The following MOV10L1 variants were observed in gnomAD, a reference collection of about 807,000 sequenced individuals.
MOV10L1 encodes Mov10 like RNA helicase 1.
MOV10L1 carries 110 observed loss-of-function variants against 143.8 expected under a neutral mutation model. The observed-to-expected ratio is 0.76, with a 90% CI of 0.66 to 0.90. The LOEUF (loss-of-function observed/expected upper bound fraction) is 0.90. Among genes scored for constraint, MOV10L1 ranks in the 40% least tolerant of loss-of-function variants. MOV10L1 has a pLI of 0.00. For synonymous variants in MOV10L1, 593 were observed against 581.1 expected, an observed-to-expected ratio of 1.02 and a Z score of -0.29; for missense variants, 1,406 against 1,526.8, an observed-to-expected ratio of 0.92 and a Z score of 1.32.
At chr22:50,092,775 A>G (rs6010168) in intron 2 of MOV10L1, 69,387 of 152,246 alleles carry the variant, frequency 0.46, 16,500 homozygotes, top group Non-Finnish European at 0.53. Flanking sequence ...TGCTTTTTCA[A>G]CAATTTAATG....
intron 1 of MOV10L1, 22 bp from the exon 2 acceptor site, chr22:50,091,979 C>T (rs1381600810): frequency 6.2e-7 from 1 of 1,605,582 alleles, no homozygotes; most frequent in Non-Finnish European, 8.5e-7. Flanking sequence ...GCCAAGATAA[C>T]TTCTTTGTTT....
intron 13 of MOV10L1, among the ~76,000 whole-genome samples, chr22:50,128,742 A>G (rs948040335): frequency 2.0e-5 from 3 of 151,312 alleles, no homozygotes; most frequent in African/African-American, 7.3e-5. Flanking sequence ...GCAGTGTTTC[A>G]CCATATTGGC....
At chr22:50,113,390 C>T (rs915726357) in intron 5 of MOV10L1, among the ~76,000 whole-genome samples, 3 of 152,188 alleles carry the variant, frequency 2.0e-5, no homozygotes, top group Non-Finnish European at 4.4e-5. Flanking sequence ...CTGGGGAGCA[C>T]GTTCAGGACA....
intron 24 of MOV10L1, among the ~76,000 whole-genome samples, chr22:50,160,481 C>CTGACCT (rs1389552855): frequency 6.6e-6 from 1 of 151,960 alleles, no homozygotes; most frequent in Non-Finnish European, 1.5e-5. Flanking sequence ...TCTCGATCTC[C>CTGACCT]TGACCTCGTG....
At chr22:50,157,452 T>G (rs749987009) in intron 22 of MOV10L1, among the ~76,000 whole-genome samples, 11 of 152,104 alleles carry the variant, frequency 7.2e-5, no homozygotes, top group Non-Finnish European at 1.6e-4. Context: ...CTCCAAGAAT[T>G]TTATGGATTT....
At chr22:50,095,565 C>T (rs992676432) in intron 2 of MOV10L1, 2 of 152,180 alleles carry the variant, frequency 1.3e-5, no homozygotes, top group Non-Finnish European at 1.5e-5. Flanking sequence ...GAGCTGTGGT[C>T]GTGTACTCAC....
chr22:50,106,766 A>G (rs997813257), intron 3 of MOV10L1, among the ~76,000 whole-genome samples: 3 of 148,612 alleles, frequency 2.0e-5, no homozygotes, highest in East Asian at 2.0e-4. Flanking sequence ...CAGTGGCTCA[A>G]TCTCGGCTCA....
chr22:50,115,631 A>G (rs964330359), intron 8 of MOV10L1, among the ~76,000 whole-genome samples: 3 of 152,206 alleles, frequency 2.0e-5, no homozygotes, highest in Non-Finnish European at 4.4e-5. Context: ...CTGGGTACCA[A>G]GTGTGACCCA....
rs5771158 is a variant in MOV10L1 at position 50,092,000 on chromosome 22, G to T, written c.98-1G>T. ...ATAACTTCTTTGTTTACCTACCTCA[G>T]GTGACACTAAGCTGAAAACTGTACG... is the stretch of plus-strand genomic sequence containing the variant. On this transcript the variant is annotated splice_acceptor_variant, in intron 1 of 26. Coordinates refer to ENST00000262794, the MANE Select transcript of MOV10L1 (RefSeq NM_018995.3). LOFTEE classifies it high-confidence loss of function. 1 of 1,612,602 alleles carries T rather than the reference G, an allele frequency of 6.2e-7. No homozygotes were observed. The highest frequency in any genetic ancestry group is 1.1e-5 in the South Asian group (1 of 90,786).
chr22:50,090,319 C>T, intron 1 of MOV10L1, 134 bp downstream of exon 1: 3 of 1,471,226 alleles, frequency 2.0e-6, no homozygotes, highest in Non-Finnish European at 2.7e-6. Context: ...CTCATCTCCG[C>T]TGGCGGGGAT....
At chr22:50,155,875 A>G (rs530906496) in intron 22 of MOV10L1, among the ~76,000 whole-genome samples, 1 of 152,152 alleles carries the variant, frequency 6.6e-6, no homozygotes, top group Admixed American at 6.5e-5. Context: ...ACATAGCAAG[A>G]CCCTGTCTCT....
In MOV10L1 at chr22:50,117,337, G is replaced by A; in HGVS notation, c.1440G>A (p.Val480=). ...CATCCGCAAAAACTACAGTTGTTGT[G>A]ACCGCACAGAAAAGGTACCATAACT... is the stretch of plus-strand genomic sequence containing the variant. ...ALTSAKTTVV[V]TAQKRNSRRQ... Residue 480 remains valine (V), a synonymous_variant, in exon 9 of 27, where the codon GTG becomes GTA. Coordinates refer to ENST00000262794, the MANE Select transcript of MOV10L1 (RefSeq NM_018995.3). The A allele has an allele frequency of 6.2e-7, 1 of 1,613,650 alleles. No homozygotes were observed. The highest frequency in any genetic ancestry group is 8.5e-7 in the Non-Finnish European group (1 of 1,179,894).
intron 26 of MOV10L1, 108 bp from the exon 27 acceptor site, chr22:50,161,260 C>T: frequency 9.5e-7 from 1 of 1,056,360 alleles, no homozygotes; most frequent in Non-Finnish European, 1.4e-6. Context: ...CATAGGCTAA[C>T]AGGGTAAACT....
chr22:50,150,781 C>G lies in MOV10L1; in HGVS notation c.2774C>G (p.Ser925Cys), dbSNP rs749831569. 6.2e-7 allele frequency: 1 copy of G among 1,614,196 alleles called. No homozygotes were observed. Among genetic ancestry groups the G allele is most frequent in the South Asian group, 1.1e-5 (1 of 91,084 alleles). Residue 925 changes from serine (S) to cysteine (C), a missense_variant, in exon 21 of 27, where the codon TCC becomes TGC. This residue lies in a region of MOV10L1 where 1,233 missense variants were observed against 1,351.4 expected (regional missense o/e 0.91). Coordinates refer to ENST00000262794, the MANE Select transcript of MOV10L1 (RefSeq NM_018995.3). ...DPMQLGPVIK[S>C]RLAMAYGLNV... ...ATGCAGCTCGGCCCAGTCATTAAGTCCAGACTCGCCATGGCCTATGGGCTG... is the reference window on the plus strand; with the variant it reads ...ATGCAGCTCGGCCCAGTCATTAAGTGCAGACTCGCCATGGCCTATGGGCTG...
rs180953224 is a variant in MOV10L1, at chr22:50,144,842, A to G, written c.2505+599A>G. On this transcript the variant is annotated intron_variant, in intron 18 of 26. Transcript: ENST00000262794. Reference sequence around the variant, plus strand: ...ATGATCTGCCCGCCTCGGCCTCCCAAAGTGCTGGGATTACAGGCGTGAGCC... The same window carrying G: ...ATGATCTGCCCGCCTCGGCCTCCCAGAGTGCTGGGATTACAGGCGTGAGCC... 3.4e-4 allele frequency among the ~76,000 whole-genome samples: 51 copies of G among 152,086 alleles called. 1 individual carries two copies. In the East Asian group the frequency reaches 6.6e-3, roughly 20 times the overall value.
At chr22:50,129,043 C>T (rs1286070405) in intron 13 of MOV10L1, among the ~76,000 whole-genome samples, 1 of 152,110 alleles carries the variant, frequency 6.6e-6, no homozygotes, top group Non-Finnish European at 1.5e-5. Context: ...ACGTAGGAGC[C>T]CCCACCATGC....
chr22:50,134,739 C>A, intron 15 of MOV10L1, 109 bp downstream of exon 15: 1 of 905,742 alleles, frequency 1.1e-6, no homozygotes, highest in Non-Finnish European at 1.8e-6. Context: ...CAGGGGATGG[C>A]TCAGCGATGT....
At chr22:50,156,296 A>C (rs906449658) in intron 22 of MOV10L1, among the ~76,000 whole-genome samples, 4 of 151,884 alleles carry the variant, frequency 2.6e-5, no homozygotes, top group African/African-American at 9.7e-5. Flanking sequence ...TTGTATTTTT[A>C]GTAGAGACGG....
At chr22:50,117,466 T>C in intron 9 of MOV10L1, 115 bp downstream of exon 9, 2 of 1,085,150 alleles carry the variant, frequency 1.8e-6, no homozygotes, top group Non-Finnish European at 2.6e-6. Flanking sequence ...ATAAAGGGGA[T>C]GAAGCTGGGG....
Sources: gnomAD v4.1 joint callset for allele counts (sites outside exome capture counted in the v4.1 genomes callset) on GRCh38, gnomAD v4.1.1 for gene constraint, gnomAD v4.1.1 regional missense constraint, MANE v1.5 for transcripts, NCBI Gene and HGNC (gene_info 2026-07-23, HGNC 2026-07-21) for gene names.